The following ARK2N variants were observed in gnomAD, a reference collection of about 807,000 sequenced individuals.
ARK2N encodes protein ARK2N.
chr18:46,242,210 C>T, the ARK2N span, among the ~76,000 whole-genome samples: 5,531 of 152,080 alleles, frequency 0.036, 117 homozygotes, highest in Non-Finnish European at 0.05. Flanking sequence ...TGAGTCTTGC[C>T]GTTAAATATA....
At chr18:46,238,330 A>G in the ARK2N span, among the ~76,000 whole-genome samples, 1 of 152,320 alleles carries the variant, frequency 6.6e-6, no homozygotes, top group South Asian at 2.1e-4. Flanking sequence ...TCAATATTGT[A>G]CTTGGCCCTT....
At chr18:46,197,449 G>A in the ARK2N span, among the ~76,000 whole-genome samples, 4 of 152,124 alleles carry the variant, frequency 2.6e-5, no homozygotes, top group African/African-American at 9.7e-5. Flanking sequence ...GGCCAGGTTT[G>A]TCTCGAACTC....
At chr18:46,190,255 C>CA in the ARK2N span, among the ~76,000 whole-genome samples, 1 of 152,080 alleles carries the variant, frequency 6.6e-6, no homozygotes, top group African/African-American at 2.4e-5. Context: ...CGTGGTGGCT[C>CA]ACGCCTGTAA....
chr18:46,174,164 G>C, the ARK2N span: 1 of 152,422 alleles, frequency 6.6e-6, no homozygotes, highest in South Asian at 2.1e-4. Context: ...CTCTGACCGC[G>C]ACCCACTGCT....
chr18:46,181,659 G>A, the ARK2N span, among the ~76,000 whole-genome samples: 5 of 152,102 alleles, frequency 3.3e-5, no homozygotes, highest in African/African-American at 1.2e-4. Flanking sequence ...AGCTTGCAGT[G>A]AGCCAAGATC....
the ARK2N span, among the ~76,000 whole-genome samples, chr18:46,187,687 A>G: frequency 1.3e-5 from 2 of 152,038 alleles, no homozygotes; most frequent in Non-Finnish European, 2.9e-5. Flanking sequence ...GGAGTTAACT[A>G]TATTCTTGTT....
At chr18:46,185,247 A>T in the ARK2N span, among the ~76,000 whole-genome samples, 1 of 152,216 alleles carries the variant, frequency 6.6e-6, no homozygotes, top group Non-Finnish European at 1.5e-5. Flanking sequence ...GAGATGCAAC[A>T]TAGAGGGCTG....
the ARK2N span, among the ~76,000 whole-genome samples, chr18:46,196,605 A>G: frequency 6.6e-6 from 1 of 152,160 alleles, no homozygotes; most frequent in Non-Finnish European, 1.5e-5. Context: ...AGATAATACC[A>G]CTTGTATTTT....
chr18:46,213,940 A>T, the ARK2N span, among the ~76,000 whole-genome samples: 1 of 152,102 alleles, frequency 6.6e-6, no homozygotes, highest in Non-Finnish European at 1.5e-5. Flanking sequence ...CAGGTGATCC[A>T]CTTGCCTCCA....
the ARK2N span, chr18:46,216,311 G>T: frequency 1.2e-6 from 2 of 1,613,860 alleles, no homozygotes; most frequent in Non-Finnish European, 1.7e-6. The surrounding 1 kb of genome is among the most constrained non-coding windows in gnomAD (Gnocchi z 4.3). Flanking sequence ...AGGCGGTCCC[G>T]ATCTGAAAGT....
the ARK2N span, among the ~76,000 whole-genome samples, chr18:46,194,289 T>C: frequency 6.6e-6 from 1 of 151,034 alleles, no homozygotes. Context: ...TCTTTCCTGT[T>C]ATGGAGGGGA....
At chr18:46,193,710 T>A in the ARK2N span, among the ~76,000 whole-genome samples, 2 of 151,516 alleles carry the variant, frequency 1.3e-5, no homozygotes, top group Non-Finnish European at 2.9e-5. Flanking sequence ...GCTATTCTTG[T>A]GTCTCAGTCT....
At chr18:46,215,963 C>A in the ARK2N span, 1 of 1,614,030 alleles carries the variant, frequency 6.2e-7, no homozygotes, top group Non-Finnish European at 8.5e-7. Context: ...CAAGAGACAG[C>A]CAAGGAGGAA....
At chr18:46,190,545 G>A in the ARK2N span, among the ~76,000 whole-genome samples, 79 of 150,922 alleles carry the variant, frequency 5.2e-4, no homozygotes, top group East Asian at 0.012. Flanking sequence ...GCAAATATGT[G>A]GTAAAACATT....
the ARK2N span, among the ~76,000 whole-genome samples, chr18:46,180,544 T>C: frequency 6.6e-6 from 1 of 152,070 alleles, no homozygotes; most frequent in Non-Finnish European, 1.5e-5. Flanking sequence ...CTGTCTCTAC[T>C]AAAAATACAA....
the ARK2N span, among the ~76,000 whole-genome samples, chr18:46,191,169 A>T: frequency 6.6e-6 from 1 of 152,068 alleles, no homozygotes; most frequent in Admixed American, 6.6e-5. Flanking sequence ...TTTCCTCAGT[A>T]TTGAGAAAAA....
the ARK2N span, among the ~76,000 whole-genome samples, chr18:46,194,662 G>C: frequency 6.7e-6 from 1 of 148,938 alleles, no homozygotes; most frequent in Non-Finnish European, 1.5e-5. Context: ...TTTTAGTAGA[G>C]ACGGGGTTCC....
the ARK2N span, among the ~76,000 whole-genome samples, chr18:46,178,773 G>T: frequency 6.6e-6 from 1 of 151,968 alleles, no homozygotes; most frequent in East Asian, 1.9e-4. Flanking sequence ...GATTATCTGG[G>T]TGTGGTGGCA....
chr18:46,190,349 G>A, the ARK2N span, among the ~76,000 whole-genome samples: 1 of 151,480 alleles, frequency 6.6e-6, no homozygotes, highest in Non-Finnish European at 1.5e-5. Context: ...GAGAAACCCC[G>A]TCTCTAGTAA....
Sources: allele counts gnomAD v4.1 joint callset (sites outside exome capture counted in the v4.1 genomes callset), GRCh38; gene constraint gnomAD v4.1.1; non-coding constraint Gnocchi (gnomAD v3.1); transcripts MANE v1.5; gene names NCBI Gene and HGNC (gene_info 2026-07-23, HGNC 2026-07-21).